Variants in FLNB observed in about 807,000 individuals in gnomAD.
FLNB encodes filamin B.
FLNB carries 111 observed loss-of-function variants against 250.6 expected under a neutral mutation model. The observed-to-expected ratio is 0.44, with a 90% confidence interval of 0.38 to 0.52. FLNB has a LOEUF of 0.52. Ranked by LOEUF, FLNB falls within the 20% of genes least tolerant of loss-of-function variation. The probability of loss-of-function intolerance (pLI) is 0.00; values close to 1 mark genes in which losing one functional copy is unlikely to be tolerated. For synonymous variants in FLNB, 1,302 were observed against 1,372.1 expected (o/e 0.95, Z 1.13); for missense variants, 2,869 against 3,447.8 (o/e 0.83, Z 4.20).
intron 1 of FLNB, among the ~76,000 whole-genome samples, chr3:58,025,773 A>C (rs146262270): frequency 3.7e-4 from 57 of 152,312 alleles, no homozygotes; most frequent in Non-Finnish European, 6.6e-4. Context: ...TAAAAATACA[A>C]AAATTAGCCG....
intron 16 of FLNB, 131 bp downstream of exon 16, chr3:58,110,301 C>A: frequency 2.1e-6 from 2 of 961,320 alleles, no homozygotes; most frequent in Non-Finnish European, 3.2e-6. Flanking sequence ...CTCACTCTTT[C>A]ACCCAAGCTA....
At chr3:58,156,211 T>C in intron 41 of FLNB, 136 bp downstream of exon 41, 2 of 695,190 alleles carry the variant, frequency 2.9e-6, no homozygotes, top group East Asian at 2.8e-5. Flanking sequence ...ACCCAGTCAC[T>C]GGGGAGCTTT....
At chr3:58,062,809 T>A (rs574953939) in intron 1 of FLNB, among the ~76,000 whole-genome samples, 79 of 152,290 alleles carry the variant, frequency 5.2e-4, no homozygotes, top group African/African-American at 1.8e-3. Flanking sequence ...AAGGCGGAAT[T>A]CTAGGGCATT....
chr3:58,038,806 C>G (rs979244875), intron 1 of FLNB, among the ~76,000 whole-genome samples: 34 of 152,142 alleles, frequency 2.2e-4, no homozygotes, highest in African/African-American at 7.5e-4. Flanking sequence ...CTGCCCTGCC[C>G]CTTGTTAGGA....
intron 11 of FLNB, among the ~76,000 whole-genome samples, chr3:58,106,352 CTATATATA>C (rs10540627): frequency 7.5e-5 from 10 of 132,970 alleles, no homozygotes; most frequent in Non-Finnish European, 9.8e-5. Flanking sequence ...GTATTTAATA[CTATATATA>C]TATATATATA....
chr3:58,123,725 A>C, intron 21 of FLNB, 35 bp downstream of exon 21: 2 of 1,406,988 alleles, frequency 1.4e-6, no homozygotes, highest in Non-Finnish European at 2.0e-6. Context: ...AAAAAAAAAA[A>C]AGACAAGCTG....
intron 18 of FLNB, among the ~76,000 whole-genome samples, chr3:58,117,519 C>T (rs2097280531): frequency 6.6e-6 from 1 of 152,048 alleles, no homozygotes; most frequent in South Asian, 2.1e-4. Context: ...TTAGTGAGCC[C>T]CTGAATTGTT....
At chr3:58,149,655 A>G in intron 36 of FLNB, 195 bp from the exon 37 acceptor site, 1 of 637,396 alleles carries the variant, frequency 1.6e-6, no homozygotes, top group South Asian at 1.9e-5. Context: ...TCAGCAGGTT[A>G]TTTCACTATG....
chr3:58,021,560 A>C (rs1206331696), intron 1 of FLNB, among the ~76,000 whole-genome samples: 1 of 152,084 alleles, frequency 6.6e-6, no homozygotes, highest in Non-Finnish European at 1.5e-5. Flanking sequence ...TCTCCACCAA[A>C]GGAGGCAAGC....
At chr3:58,054,933 A>G (rs1245559601) in intron 1 of FLNB, among the ~76,000 whole-genome samples, 1 of 152,172 alleles carries the variant, frequency 6.6e-6, no homozygotes, top group Non-Finnish European at 1.5e-5. Context: ...AATAGATCCA[A>G]ATAGTTGCAA....
chr3:58,018,426 C>T (rs1046446174), intron 1 of FLNB, among the ~76,000 whole-genome samples: 3 of 149,960 alleles, frequency 2.0e-5, no homozygotes, highest in East Asian at 1.9e-4. Flanking sequence ...CCTCTGCCTC[C>T]GGGGTTCAAG....
Position 58,097,996 on chromosome 3 carries a change from A to G in FLNB, c.1147+19A>G, listed in dbSNP as rs201184185. On this transcript the variant is annotated intron_variant, in intron 7 of 45. Coordinates refer to ENST00000295956, the MANE Select transcript of FLNB (RefSeq NM_001457.4). ...ACGGCAGGTAACGTGCCTCTCCTCCATGGATCTGACCTTTGCGCTTTCTTC... is the reference window on the plus strand; with the variant it reads ...ACGGCAGGTAACGTGCCTCTCCTCCGTGGATCTGACCTTTGCGCTTTCTTC... The G allele has an allele frequency of 1.3e-4, 217 of 1,613,410 alleles. No individual in the cohort carries two copies. Among genetic ancestry groups the G allele is most frequent in the Non-Finnish European group, 1.8e-4 (207 of 1,179,556 alleles).
At chr3:58,158,875 G>A (rs2097357153) in intron 41 of FLNB, among the ~76,000 whole-genome samples, 3 of 152,264 alleles carry the variant, frequency 2.0e-5, no homozygotes, top group South Asian at 4.2e-4. Flanking sequence ...GCCTCTCTGT[G>A]TATGGGCTAG....
intron 38 of FLNB, among the ~76,000 whole-genome samples, chr3:58,151,915 G>T (rs1559732806): frequency 6.6e-6 from 1 of 152,188 alleles, no homozygotes; most frequent in Non-Finnish European, 1.5e-5. Context: ...CACTGGGGCT[G>T]TCTCTCCTTC....
At position 58,078,652 on chromosome 3, in the gene FLNB, A is replaced by G. The variant is rs188461547; in HGVS notation, c.542-65A>G. The G allele has an allele frequency of 2.6e-6, 4 of 1,534,650 alleles. No homozygotes were observed. In the African/African-American group the frequency reaches 5.4e-5, roughly 21 times the overall value. On this transcript the variant is annotated intron_variant, in intron 2 of 45. Transcript: ENST00000295956. ...AAGAAAAAATGGGGTTAGTTTAGGC[A>G]CATGGTTTCCTTTAATCTCTTTGGT...
chr3:58,039,144 G>T (rs2097142529), intron 1 of FLNB, among the ~76,000 whole-genome samples: 1 of 149,230 alleles, frequency 6.7e-6, no homozygotes, highest in Non-Finnish European at 1.5e-5. Context: ...GAACCATTGT[G>T]CCAGGAGTTC....
intron 42 of FLNB, among the ~76,000 whole-genome samples, chr3:58,160,738 A>C (rs1043036969): frequency 5.3e-5 from 8 of 152,114 alleles, no homozygotes; most frequent in African/African-American, 1.9e-4. Flanking sequence ...TCACACCTGT[A>C]ATCTCAGCAC....
intron 8 of FLNB, among the ~76,000 whole-genome samples, 165 bp from the exon 9 acceptor site, chr3:58,102,038 C>T (rs940344037): frequency 1.3e-5 from 2 of 152,220 alleles, no homozygotes; most frequent in African/African-American, 4.8e-5. Context: ...TCTGTATTTG[C>T]TAGCCTGGTG....
chr3:58,095,515 C>G (rs1254113405), intron 5 of FLNB, among the ~76,000 whole-genome samples: 1 of 152,166 alleles, frequency 6.6e-6, no homozygotes, highest in Non-Finnish European at 1.5e-5. Context: ...CTCTGCCTCC[C>G]AAACTGCTGG....
Sources: allele counts gnomAD v4.1 joint callset (sites outside exome capture counted in the v4.1 genomes callset), GRCh38; gene constraint gnomAD v4.1.1; transcripts MANE v1.5; gene names NCBI Gene and HGNC (gene_info 2026-07-23, HGNC 2026-07-21).